The following OSBPL10 variants were observed in gnomAD, a reference collection of about 807,000 sequenced individuals.
The protein encoded by OSBPL10 is oxysterol-binding protein-related protein 10.
A neutral mutation model predicts 81.7 loss-of-function variants in OSBPL10; 49 were observed. That is an observed-to-expected ratio of 0.60 (90% CI 0.48 to 0.76). The LOEUF (loss-of-function observed/expected upper bound fraction) is 0.76. Among genes scored for constraint, OSBPL10 ranks in the 30% least tolerant of loss-of-function variants. OSBPL10 has a pLI of 0.00. For synonymous variants in OSBPL10, 419 were observed against 383.6 expected (o/e 1.09, Z -1.08); for missense variants, 923 against 987.8 (o/e 0.93, Z 0.88).
At chr3:31,724,636 C>T (rs1696752063) in intron 6 of OSBPL10, among the ~76,000 whole-genome samples, 1 of 151,774 alleles carries the variant, frequency 6.6e-6, no homozygotes, top group South Asian at 2.1e-4. Context: ...GAAAAAAAAT[C>T]CTTGAAAAAC....
Position 31,811,135 on chromosome 3 carries a change from A to T in OSBPL10, c.729+18905T>A, listed in dbSNP as rs545438902. ...TGCAGTATTCCGCTACTCCCCAGAA[A>T]GGGGCTCAGATGTAGCCTGTGGATG... On this transcript the variant is annotated intron_variant, in intron 4 of 11. Transcript: ENST00000396556. 3.6e-4 allele frequency among the ~76,000 whole-genome samples: 48 copies of T among 134,774 alleles called. No individual in the cohort carries two copies. The East Asian group carries it at 8.8e-3, about 25-fold the overall frequency. The allele number at this position is 134,774 out of a possible 152,430, so 88.4% of individuals were successfully genotyped here.
At chr3:31,771,812 T>C (rs1372297079) in intron 4 of OSBPL10, among the ~76,000 whole-genome samples, 1 of 152,206 alleles carries the variant, frequency 6.6e-6, no homozygotes, top group Non-Finnish European at 1.5e-5. Flanking sequence ...TGACGATATT[T>C]TCCCGGCCTT....
chr3:31,954,470 G>A lies in OSBPL10; in HGVS notation c.281+26429C>T, dbSNP rs79539309. Among the ~76,000 whole-genome samples, 2,323 of 152,254 alleles carry A rather than the reference G, an allele frequency of 0.015. 167 individuals are homozygous for A. In the East Asian group the frequency reaches 0.22, roughly 14 times the overall value. On this transcript the variant is annotated intron_variant, in intron 1 of 11. Coordinates refer to ENST00000396556, the MANE Select transcript of OSBPL10 (RefSeq NM_017784.5). ...GAATCCACGACTGATAAGACACAAC[G>A]ACATAAATGAATCCCAAAATGTTAT...
intron 9 of OSBPL10, among the ~76,000 whole-genome samples, chr3:31,670,277 TA>T (rs1328267573): frequency 2.0e-5 from 3 of 152,254 alleles, no homozygotes; most frequent in East Asian, 1.9e-4. Flanking sequence ...AAAAGAGGAA[TA>T]TTTTTTATAG....
At chr3:31,992,896 A>G (rs998060910) in intron 2 of OSBPL10, among the ~76,000 whole-genome samples, 11 of 152,150 alleles carry the variant, frequency 7.2e-5, no homozygotes, top group Admixed American at 1.3e-4. Context: ...CTAGTTACTC[A>G]AGAGGCTGAG....
intron 7 of OSBPL10, among the ~76,000 whole-genome samples, chr3:31,692,182 T>C (rs974342248): frequency 3.3e-5 from 5 of 152,148 alleles, no homozygotes; most frequent in African/African-American, 9.7e-5. Flanking sequence ...AGGAATTCAG[T>C]TGGGAGCAGA....
At chr3:31,953,518 C>T (rs1467110067) in intron 1 of OSBPL10, among the ~76,000 whole-genome samples, 1 of 152,038 alleles carries the variant, frequency 6.6e-6, no homozygotes, top group Non-Finnish European at 1.5e-5. Context: ...AGCAATCCTC[C>T]CACCTCAGCC....
chr3:31,934,076 TAA>T (rs35397219), intron 1 of OSBPL10, among the ~76,000 whole-genome samples: 11 of 132,044 alleles, frequency 8.3e-5, no homozygotes, highest in Non-Finnish European at 9.7e-5. Flanking sequence ...CACCTCTGTT[TAA>T]AAAAAAAAAA....
At chr3:31,760,525 A>C (rs368317154) in intron 4 of OSBPL10, among the ~76,000 whole-genome samples, 1 of 152,210 alleles carries the variant, frequency 6.6e-6, no homozygotes, top group Non-Finnish European at 1.5e-5. Context: ...GTAAATAGTT[A>C]TTATACTTTA....
At chr3:32,015,761 AC>A (rs1172119161) in intron 2 of OSBPL10, among the ~76,000 whole-genome samples, 6 of 152,222 alleles carry the variant, frequency 3.9e-5, no homozygotes, top group Admixed American at 3.3e-4. Flanking sequence ...CAAGAAAAAA[AC>A]AACCCCATCA....
At chr3:31,746,652 T>A (rs1260998095) in intron 5 of OSBPL10, among the ~76,000 whole-genome samples, 4 of 148,958 alleles carry the variant, frequency 2.7e-5, no homozygotes, top group Non-Finnish European at 5.9e-5. Flanking sequence ...CACTCCAGCC[T>A]GGGCAACAAG....
intron 5 of OSBPL10, among the ~76,000 whole-genome samples, chr3:31,737,527 A>AGGAATTATTATGAGG (rs1321484644): frequency 6.6e-6 from 1 of 152,198 alleles, no homozygotes; most frequent in Non-Finnish European, 1.5e-5. Flanking sequence ...GGATGCATCA[A>AGGAATTATTATGAGG]GGAATTATTA....
chr3:31,988,988 T>A, intron 2 of OSBPL10: 2 of 1,527,900 alleles, frequency 1.3e-6, no homozygotes, highest in Non-Finnish European at 1.8e-6. Context: ...TTTGTGATAA[T>A]TTGTTTCTCG....
chr3:31,858,711 G>C (rs1700987538), intron 3 of OSBPL10, among the ~76,000 whole-genome samples: 3 of 152,220 alleles, frequency 2.0e-5, no homozygotes, highest in African/African-American at 4.8e-5. Flanking sequence ...CAGAAAGTGA[G>C]ATGGGAGCCA....
chr3:31,909,976 C>G (rs1237109909), intron 1 of OSBPL10, among the ~76,000 whole-genome samples: 1 of 147,340 alleles, frequency 6.8e-6, no homozygotes, highest in Non-Finnish European at 1.5e-5. Flanking sequence ...ATCCTTGTCT[C>G]CTGGCCTTTT....
At chr3:31,733,807 G>C (rs562877543) in intron 5 of OSBPL10, among the ~76,000 whole-genome samples, 1 of 147,980 alleles carries the variant, frequency 6.8e-6, no homozygotes, top group Non-Finnish European at 1.5e-5. Context: ...AGGTCAGATC[G>C]AGACCATCCT....
intron 1 of OSBPL10, among the ~76,000 whole-genome samples, chr3:31,895,472 C>T (rs570951820): frequency 1.2e-4 from 18 of 152,112 alleles, no homozygotes; most frequent in African/African-American, 4.3e-4. Flanking sequence ...CCCCCACATA[C>T]ACTTGGACCA....
Position 31,749,357 on chromosome 3 carries a change from G to C in OSBPL10, c.730-1237C>G, listed in dbSNP as rs1697642348. Among the ~76,000 whole-genome samples, 4 of 152,218 alleles carry C rather than the reference G, an allele frequency of 2.6e-5. No homozygotes were observed. The South Asian group carries it at 8.3e-4, about 31-fold the overall frequency. On this transcript the variant is annotated intron_variant, in intron 4 of 11. Coordinates refer to ENST00000396556, the MANE Select transcript of OSBPL10 (RefSeq NM_017784.5). The stretch of plus-strand genomic sequence containing the variant: ...TTATTGTTAATAGACACATTCCACA[G>C]ATGTGGTTTGAGCGTTCTCATCTTA...
intron 4 of OSBPL10, among the ~76,000 whole-genome samples, chr3:31,779,988 A>G (rs976823577): frequency 1.3e-5 from 2 of 152,222 alleles, no homozygotes; most frequent in African/African-American, 2.4e-5. Context: ...AAATTAAAAA[A>G]TTCTTTGAAC....
Sources: gnomAD v4.1 joint callset for allele counts (sites outside exome capture counted in the v4.1 genomes callset) on GRCh38, gnomAD v4.1.1 for gene constraint, MANE v1.5 for transcripts, NCBI Gene and HGNC (gene_info 2026-07-23, HGNC 2026-07-21) for gene names.